Variants in PTPRA observed in about 807,000 individuals in gnomAD.
PTPRA encodes the protein receptor-type tyrosine-protein phosphatase alpha.
PTPRA carries 25 observed loss-of-function variants against 104.8 expected under a neutral mutation model. The observed-to-expected ratio is 0.24, with a 90% CI of 0.17 to 0.33. PTPRA has a LOEUF of 0.33. PTPRA is among the 10% of genes least tolerant of loss of function. The pLI is 1.00. For missense variants in PTPRA, 765 were observed against 1,015.3 expected (o/e 0.75, Z 3.35); for synonymous variants, 323 against 368.9 (o/e 0.88, Z 1.43).
chr20:2,889,896 T>A (rs1046000911), intron 1 of PTPRA, among the ~76,000 whole-genome samples: 2 of 151,972 alleles, frequency 1.3e-5, no homozygotes, highest in African/African-American at 4.8e-5. Context: ...CCCCATACCT[T>A]TTTTTGAGAC....
At chr20:2,884,691 A>G (rs1367989961) in intron 1 of PTPRA, among the ~76,000 whole-genome samples, 1 of 151,974 alleles carries the variant, frequency 6.6e-6, no homozygotes. Flanking sequence ...CGATCTGTAA[A>G]TATTTTTTCC....
upstream of PTPRA, chr20:2,873,330 C>A (rs2089476312): frequency 6.6e-6 from 1 of 152,178 alleles, no homozygotes; most frequent in Non-Finnish European, 1.5e-5. This position sits in a 1 kb window ranked among gnomAD's most constrained non-coding sequence, Gnocchi z 4.4. Context: ...ACCAGGAGAA[C>A]GTGCGACCGG....
intron 2 of PTPRA, among the ~76,000 whole-genome samples, chr20:2,927,645 G>T (rs1339185758): frequency 6.6e-6 from 1 of 152,128 alleles, no homozygotes; most frequent in Non-Finnish European, 1.5e-5. Context: ...GTTTTTCTTT[G>T]ACGGGGGTGC....
At chr20:2,973,133 CT>C (rs200708559) in intron 5 of PTPRA, among the ~76,000 whole-genome samples, 1,609 of 144,316 alleles carry the variant, frequency 0.011, 36 homozygotes, top group East Asian at 0.087. Flanking sequence ...TTTATGTCTC[CT>C]TTTTTTTTTT....
At chr20:2,910,337 A>G (rs1461106300) in intron 1 of PTPRA, among the ~76,000 whole-genome samples, 2 of 127,074 alleles carry the variant, frequency 1.6e-5, no homozygotes, top group African/African-American at 5.9e-5. Flanking sequence ...TATATATAAT[A>G]TATTTTGTAT....
rs2065048998 is a variant in PTPRA, at chr20:3,024,733, A to G, written c.1614+112A>G. 5 of 1,315,616 alleles carry G rather than the reference A, an allele frequency of 3.8e-6. No individual in the cohort carries two copies. The East Asian group carries it at 1.2e-4, about 31-fold the overall frequency. The allele number at this position is 1,315,616 out of a possible 1,614,324, so 81.5% of individuals were successfully genotyped here. A position where few individuals can be genotyped will look rare whatever the true frequency, so the allele number is the denominator to read the frequency against. ...AGTAAATCCCCTTGTGAGGCATGCC[A>G]GTGGTTAAGGAGATGGTCCTTTCCT... On this transcript the variant is annotated intron_variant, in intron 17 of 23. Transcript: ENST00000399903.
chr20:3,025,198 T>C (rs2065071543), intron 17 of PTPRA, among the ~76,000 whole-genome samples: 1 of 152,148 alleles, frequency 6.6e-6, no homozygotes, highest in South Asian at 2.1e-4. Flanking sequence ...CTCACGCCTG[T>C]AATCACAGCA....
rs1030073727 is a variant in PTPRA at position 2,923,528 on chromosome 20, G to A, written c.-50+243G>A. On this transcript the variant is annotated intron_variant, in intron 2 of 23. Coordinates refer to ENST00000399903, the MANE Select transcript of PTPRA (RefSeq NM_001385305.1). ...AAAGACCAAAGTCAGGCTGGGCATG[G>A]TGGATCACGCCTGTAATCCCAGCAC... Among the ~76,000 whole-genome samples the A allele has an allele frequency of 4.6e-5, 7 of 152,002 alleles. 1 individual carries two copies. The South Asian group carries it at 1.5e-3, about 32-fold the overall frequency.
rs766919527 is a variant in PTPRA at position 3,007,404 on chromosome 20, A to G, written c.890A>G (p.Asn297Ser). 1 of 1,614,046 alleles carries G rather than the reference A, an allele frequency of 6.2e-7. No individual in the cohort carries two copies. Among genetic ancestry groups the G allele is most frequent in the Non-Finnish European group, 8.5e-7 (1 of 1,179,900 alleles). The change falls in exon 11 of 24, where the codon AAT becomes AGT. Residue 297 changes from asparagine (N) to serine (S), a missense_variant. Asn to Ser is a conservative substitution (Grantham distance 46). Coordinates refer to ENST00000399903, the MANE Select transcript of PTPRA (RefSeq NM_001385305.1). The part of the protein sequence containing the change: ...VEGVPDSDYI[N>S]ASFINGYQEK... ...GGGGTTCCAGATTCTGATTACATCA[A>G]TGCTTCATTCATCAACGTAAGGATC...
chr20:2,955,794 C>A, intron 3 of PTPRA: 1 of 543,178 alleles, frequency 1.8e-6, no homozygotes, highest in Non-Finnish European at 2.3e-6. Context: ...CTGCTTTTGT[C>A]ACTCATAGAG....
intron 2 of PTPRA, among the ~76,000 whole-genome samples, chr20:2,926,870 A>C (rs1456652351): frequency 6.8e-6 from 1 of 146,762 alleles, no homozygotes; most frequent in African/African-American, 2.5e-5. Context: ...GGCTCACTGC[A>C]ACCTCTGCCT....
At chr20:3,006,084 C>T (rs1425990373) in intron 10 of PTPRA, among the ~76,000 whole-genome samples, 3 of 151,988 alleles carry the variant, frequency 2.0e-5, no homozygotes, top group Non-Finnish European at 2.9e-5. Context: ...ATCTCAAACT[C>T]CTGGCCTCAA....
chr20:2,992,788 G>A (rs568855268), intron 9 of PTPRA, among the ~76,000 whole-genome samples: 1 of 152,134 alleles, frequency 6.6e-6, no homozygotes, highest in African/African-American at 2.4e-5. Context: ...TCTCTTTTCA[G>A]ATCACTCAAT....
intron 1 of PTPRA, among the ~76,000 whole-genome samples, chr20:2,885,096 C>T (rs6138926): frequency 0.37 from 56,923 of 152,104 alleles, 11,457 homozygotes; most frequent in East Asian, 0.64. Flanking sequence ...CCACTGCGCC[C>T]GGTTTGAGGA....
rs568157447 is a variant in PTPRA at position 2,989,311 on chromosome 20, T to C, written c.738+837T>C. On this transcript the variant is annotated intron_variant, in intron 9 of 23. Coordinates refer to ENST00000399903, the MANE Select transcript of PTPRA (RefSeq NM_001385305.1). ...AGCTGGGCGTGGTGGCATGTGCCTG[T>C]AGTCCCAGCTACTCAGGAGGCTGAG... 4.6e-5 allele frequency among the ~76,000 whole-genome samples: 7 copies of C among 152,178 alleles called. 1 individual carries two copies. In the East Asian group the frequency reaches 1.2e-3, roughly 25 times the overall value.
chr20:3,025,859 ACT>A (rs1355869737), intron 17 of PTPRA, among the ~76,000 whole-genome samples: 1 of 137,354 alleles, frequency 7.3e-6, no homozygotes, highest in East Asian at 2.1e-4. Flanking sequence ...ACAGAGCAAG[ACT>A]CTGTCTCAAA....
chr20:3,032,726 A>G (rs1200044694), intron 20 of PTPRA, among the ~76,000 whole-genome samples: 2 of 150,508 alleles, frequency 1.3e-5, no homozygotes, highest in African/African-American at 4.9e-5. Context: ...AGATCGCGCC[A>G]CTGCATTCCA....
intron 6 of PTPRA, among the ~76,000 whole-genome samples, chr20:2,983,021 A>G (rs1338557603): frequency 2.0e-5 from 3 of 152,062 alleles, no homozygotes; most frequent in East Asian, 1.9e-4. Context: ...TGAAGTACAC[A>G]CTGTGTGCTA....
chr20:2,963,600 A>C lies in PTPRA; in HGVS notation c.-6-672A>C, dbSNP rs550866750. On this transcript the variant is annotated intron_variant, in intron 3 of 23. Coordinates refer to ENST00000399903, the MANE Select transcript of PTPRA (RefSeq NM_001385305.1). ...CAGTGCAAGACTCCGTCTCAAAAAAAAATAAAAAAGGAGTCCTATTAAGAC... is the reference window on the plus strand; with the variant it reads ...CAGTGCAAGACTCCGTCTCAAAAAACAATAAAAAAGGAGTCCTATTAAGAC... Among the ~76,000 whole-genome samples, 7 of 152,270 alleles carry C rather than the reference A, an allele frequency of 4.6e-5. No individual in the cohort carries two copies. The South Asian group carries it at 1.5e-3, about 32-fold the overall frequency.
Sources: gnomAD v4.1 joint callset for allele counts (sites outside exome capture counted in the v4.1 genomes callset) on GRCh38, gnomAD v4.1.1 for gene constraint, Gnocchi (gnomAD v3.1) non-coding constraint, MANE v1.5 for transcripts, NCBI Gene and HGNC (gene_info 2026-07-23, HGNC 2026-07-21) for gene names.